Variants in ACSBG2 observed in about 807,000 individuals in gnomAD.
The protein encoded by ACSBG2 is acyl-CoA synthetase bubblegum family member 2, also known as long-chain-fatty-acid--CoA ligase ACSBG2.
ACSBG2 carries 62 observed loss-of-function variants against 74.7 expected under a neutral mutation model. The ratio of observed to expected loss-of-function variants is 0.83; its 90% CI spans 0.68 to 1.03. ACSBG2 has a LOEUF of 1.03. Among genes scored for constraint, ACSBG2 ranks in the 50% least tolerant of loss-of-function variants. ACSBG2 has a pLI of 0.00. For missense variants in ACSBG2, 730 were observed against 817.6 expected (o/e 0.89, Z 1.31); for synonymous variants, 309 against 294.1 (o/e 1.05, Z -0.52).
chr19:6,187,640 G>C lies in ACSBG2; in HGVS notation c.1722G>C (p.Leu574=). 1 of 1,614,106 alleles carries C rather than the reference G, an allele frequency of 6.2e-7. No homozygotes were observed. Among genetic ancestry groups the C allele is most frequent in the East Asian group, 2.2e-5 (1 of 44,880 alleles). Residue 574 remains leucine (L), a synonymous_variant, in exon 13 of 15, where the codon CTG becomes CTC. Coordinates refer to ENST00000588485, the MANE Select transcript of ACSBG2 (RefSeq NM_030924.5). ...NQMSGEPLDK[L]NFEAINFCRG... ...TGAGCGGAGAACCTCTGGACAAGCT[G>C]AACTTCGAGGCCATCAACTTCTGTC... is the stretch of plus-strand genomic sequence containing the variant.
At chr19:6,136,145 G>A (rs554123475) in intron 1 of ACSBG2, among the ~76,000 whole-genome samples, 5,761 of 40,690 alleles carry the variant, frequency 0.14, 165 homozygotes, top group South Asian at 0.16. Flanking sequence ...TTGCTCTGTT[G>A]CCCAGGCGCA....
Position 6,187,357 on chromosome 19 carries a change from AT to A in ACSBG2, c.1616del (p.Ile539ThrfsTer7), listed in dbSNP as rs777469867. On this transcript the variant is annotated frameshift_variant, in exon 12 of 15. Transcript: ENST00000588485. LOFTEE classifies it high-confidence loss of function. ...VETLVKKKIP[I>X]ISNAMLVGDK... ...GACCTTGGTTAAGAAGAAGATCCCC[AT>A]CATCAGTAACGCCATGTTAGTAGGA... is the stretch of plus-strand genomic sequence containing the variant. The A allele has an allele frequency of 1.2e-6, 2 of 1,614,148 alleles. No individual in the cohort carries two copies. Among genetic ancestry groups the A allele is most frequent in the South Asian group, 2.2e-5 (2 of 91,080 alleles).
At chr19:6,177,913 T>A (rs2090133388) in intron 8 of ACSBG2, among the ~76,000 whole-genome samples, 1 of 149,338 alleles carries the variant, frequency 6.7e-6, no homozygotes, top group Non-Finnish European at 1.5e-5. Flanking sequence ...TGTGTGTGTG[T>A]GTTTATAAGT....
Position 6,177,192 on chromosome 19 carries a change from G to A in ACSBG2, c.739-37G>A. ...TTTAAAAATAAAATGGCCCTTCTAT[G>A]AGGGTGAGGCACCTTGGATTGTCCC... On this transcript the variant is annotated intron_variant, in intron 7 of 14. Transcript: ENST00000588485. 3.1e-6 allele frequency: 5 copies of A among 1,600,296 alleles called. 1 individual carries two copies. The South Asian group carries it at 5.6e-5, about 18-fold the overall frequency.
rs2089082467 is a variant in ACSBG2 at position 6,147,604 on chromosome 19, A to C, written c.226A>C (p.Lys76Gln). 1 of 1,614,170 alleles carries C rather than the reference A, an allele frequency of 6.2e-7. No homozygotes were observed. Among genetic ancestry groups the C allele is most frequent in the Non-Finnish European group, 8.5e-7 (1 of 1,180,004 alleles). The change falls in exon 3 of 15, where the codon AAA becomes CAA. Residue 76 changes from lysine to glutamine, a missense_variant. Lys to Gln is a moderately conservative substitution (Grantham distance 53). Coordinates refer to ENST00000588485, the MANE Select transcript of ACSBG2 (RefSeq NM_030924.5). ...TYPALASKNG[K>Q]KWEILNFNQY... ...TCCAGCCCTCGCATCCAAGAATGGCAAAAAGTGGGAAATTCTGAATTTCAA... is the reference window on the plus strand; with the variant it reads ...TCCAGCCCTCGCATCCAAGAATGGCCAAAAGTGGGAAATTCTGAATTTCAA...
intron 6 of ACSBG2, 117 bp downstream of exon 6, chr19:6,161,412 ACT>A (rs938344338): frequency 1.1e-6 from 1 of 920,166 alleles, no homozygotes; most frequent in Non-Finnish European, 1.7e-6. Flanking sequence ...AAGGGTGGGA[ACT>A]CTCAAAGGAA....
At chr19:6,141,991 A>G (rs886515030) in intron 2 of ACSBG2, among the ~76,000 whole-genome samples, 1 of 152,154 alleles carries the variant, frequency 6.6e-6, no homozygotes, top group Non-Finnish European at 1.5e-5. Context: ...TTGGCCTCCC[A>G]AAGTGCTGGA....
At position 6,187,304 on chromosome 19, in the gene ACSBG2, G is replaced by A; in HGVS notation, c.1562G>A (p.Gly521Asp). Reference protein sequence around the residue: ...HIKEILITAGGENVPPIPVET... With the variant: ...HIKEILITAGDENVPPIPVET... ...CCAGAAATCCTTATCACTGCTGGTG[G>A]TGAAAATGTGCCCCCCATTCCTGTT... Residue 521 changes from glycine to aspartate, a missense_variant, in exon 12 of 15, where the codon GGT becomes GAT. Physicochemically the swap from Gly to Asp is moderately conservative, Grantham distance 94. Coordinates refer to ENST00000588485, the MANE Select transcript of ACSBG2 (RefSeq NM_030924.5). The A allele has an allele frequency of 6.2e-7, 1 of 1,614,182 alleles. No individual in the cohort carries two copies. The highest frequency in any genetic ancestry group is 1.7e-5 in the Admixed American group (1 of 60,024).
At chr19:6,179,356 G>C (rs977449724) in intron 8 of ACSBG2, among the ~76,000 whole-genome samples, 1 of 141,228 alleles carries the variant, frequency 7.1e-6, no homozygotes, top group Non-Finnish European at 1.5e-5. Context: ...CTGGAATGCA[G>C]TGGCATGATC....
In ACSBG2 at chr19:6,185,591, ACT is replaced by A; in HGVS notation, c.1481_1482del (p.Ser494TrpfsTer28). 6.2e-7 allele frequency: 1 copy of A among 1,614,070 alleles called. No homozygotes were observed. The highest frequency in any genetic ancestry group is 1.1e-5 in the South Asian group (1 of 91,078). On this transcript the variant is annotated frameshift_variant, in exon 11 of 15. Coordinates refer to ENST00000588485, the MANE Select transcript of ACSBG2 (RefSeq NM_030924.5). LOFTEE classifies it high-confidence loss of function. ...GCCATCGATGATGAAGGCTGGCTAC[ACT>A]CTGGGGATCTGGGCCAGCTGGACGG...
Position 6,183,100 on chromosome 19 carries a change from A to C in ACSBG2, c.1150A>C (p.Thr384Pro). Reference sequence around the variant, plus strand: ...GACTCTCGTGTTCAGCAAAGTCAAGACATCCCTTGGCTTGGATCACTGTCA... The same window carrying C: ...GACTCTCGTGTTCAGCAAAGTCAAGCCATCCCTTGGCTTGGATCACTGTCA... ...AKTLVFSKVKTSLGLDHCHSF... is the reference protein window; with the variant it reads ...AKTLVFSKVKPSLGLDHCHSF... The change falls in exon 10 of 15, where the codon ACA becomes CCA. Residue 384 changes from threonine (T) to proline (P), a missense_variant. Physicochemically the swap from Thr to Pro is conservative, Grantham distance 38 (BLOSUM62 -1). Coordinates refer to ENST00000588485, the MANE Select transcript of ACSBG2 (RefSeq NM_030924.5). 6.2e-7 allele frequency: 1 copy of C among 1,614,202 alleles called. No homozygotes were observed. Among genetic ancestry groups the C allele is most frequent in the Non-Finnish European group, 8.5e-7 (1 of 1,180,028 alleles).
chr19:6,165,833 T>G, intron 6 of ACSBG2, 33 bp from the exon 7 acceptor site: 1 of 1,612,392 alleles, frequency 6.2e-7, no homozygotes, highest in Non-Finnish European at 8.5e-7. Flanking sequence ...CCCGACTGCC[T>G]TCTCATCCTC....
chr19:6,166,000 G>C lies in ACSBG2; in HGVS notation c.723G>C (p.Met241Ile). ...SGTTGIPKGV[M>I]LSHDNITWIA... ...CCACAGGCATACCCAAGGGAGTGAT[G>C]CTCAGTCATGACAACGTACGCCAAA... Residue 241 changes from methionine to isoleucine, a missense_variant, in exon 7 of 15, where the codon ATG becomes ATC. Coordinates refer to ENST00000588485, the MANE Select transcript of ACSBG2 (RefSeq NM_030924.5). 1 of 1,614,024 alleles carries C rather than the reference G, an allele frequency of 6.2e-7. No homozygotes were observed. Among genetic ancestry groups the C allele is most frequent in the Non-Finnish European group, 8.5e-7 (1 of 1,179,940 alleles).
chr19:6,186,066 T>C (rs1568256469), intron 11 of ACSBG2, among the ~76,000 whole-genome samples: 1 of 151,958 alleles, frequency 6.6e-6, no homozygotes, highest in East Asian at 1.9e-4. Flanking sequence ...TACTTTTTTT[T>C]TTTTTTAACT....
chr19:6,179,846 C>G (rs537396659), intron 8 of ACSBG2, among the ~76,000 whole-genome samples: 1 of 152,240 alleles, frequency 6.6e-6, no homozygotes, highest in East Asian at 1.9e-4. Flanking sequence ...CTCTTGAACT[C>G]AAGTGATCTG....
chr19:6,181,353 A>G (rs1044928882), intron 8 of ACSBG2, among the ~76,000 whole-genome samples: 14 of 149,110 alleles, frequency 9.4e-5, no homozygotes, highest in Admixed American at 6.6e-4. Context: ...AGGAAGGAAG[A>G]AAGAAAAAGA....
intron 14 of ACSBG2, 73 bp downstream of exon 14, chr19:6,190,765 C>A: frequency 1.1e-6 from 1 of 870,150 alleles, no homozygotes. Context: ...GTGTGGCAGG[C>A]AGATCTGTGA....
intron 1 of ACSBG2, among the ~76,000 whole-genome samples, chr19:6,137,097 C>T (rs183649251): frequency 1.3e-5 from 2 of 151,714 alleles, no homozygotes; most frequent in Admixed American, 1.3e-4. Context: ...GCCCATTTTG[C>T]ATTGCCATAA....
intron 1 of ACSBG2, among the ~76,000 whole-genome samples, chr19:6,138,651 GA>G (rs763195206): frequency 0.015 from 1,499 of 100,984 alleles, 68 homozygotes; most frequent in African/African-American, 0.063. Context: ...GGGAAGGGAA[GA>G]AGGAAGAAAG....
Sources: gnomAD v4.1 joint callset for allele counts (sites outside exome capture counted in the v4.1 genomes callset) on GRCh38, gnomAD v4.1.1 for gene constraint, MANE v1.5 for transcripts, NCBI Gene and HGNC (gene_info 2026-07-23, HGNC 2026-07-21) for gene names.